SETD7: variants seen among roughly 807,000 people sequenced by gnomAD.
SETD7 encodes SET domain containing 7, histone lysine methyltransferase.
A neutral mutation model predicts 41.8 loss-of-function variants in SETD7; 16 were observed. That is an observed-to-expected ratio of 0.38 (90% confidence interval 0.26 to 0.58). The LOEUF (loss-of-function observed/expected upper bound fraction) is 0.58. Among genes scored for constraint, SETD7 ranks in the 20% least tolerant of loss-of-function variants. SETD7 has a pLI of 0.64. For missense variants in SETD7, 346 were observed against 459.7 expected, an observed-to-expected ratio of 0.75 and a Z score of 2.26; for synonymous variants, 163 against 169.7, an observed-to-expected ratio of 0.96 and a Z score of 0.31.
At chr4:139,499,833 A>T (rs965734511) in intron 7 of SETD7, among the ~76,000 whole-genome samples, 1 of 152,070 alleles carries the variant, frequency 6.6e-6, no homozygotes, top group Admixed American at 6.6e-5. Context: ...AGAAGAACCC[A>T]CTGGGTTCTG....
At chr4:139,528,409 C>A (rs756323144) in intron 4 of SETD7, among the ~76,000 whole-genome samples, 1 of 152,178 alleles carries the variant, frequency 6.6e-6, no homozygotes, top group Admixed American at 6.5e-5. Context: ...TATCATAGTA[C>A]AGTTTTTTGG....
intron 1 of SETD7, among the ~76,000 whole-genome samples, chr4:139,549,249 T>A (rs910246653): frequency 1.3e-5 from 2 of 152,352 alleles, no homozygotes; most frequent in Non-Finnish European, 2.9e-5. Flanking sequence ...TTATGTTTGA[T>A]AAAATGTGTT....
chr4:139,532,324 A>C (rs1727506036), intron 3 of SETD7, among the ~76,000 whole-genome samples: 1 of 152,190 alleles, frequency 6.6e-6, no homozygotes, highest in Admixed American at 6.5e-5. Context: ...CTGTAATCCC[A>C]GCTACTAAGG....
chr4:139,509,763 G>A lies in SETD7; in HGVS notation c.*1900C>T. ...GTATAGAACGGTCTCTTTCTACAGA[G>A]TAAGAGTGACCCTATCCTGGTGCCT... On this transcript the variant is annotated 3_prime_UTR_variant, in exon 8 of 8. Transcript: ENST00000274031. The A allele has an allele frequency of 1.0e-6, 1 of 985,478 alleles. No individual in the cohort carries two copies. Among genetic ancestry groups the A allele is most frequent in the Non-Finnish European group, 1.2e-6 (1 of 829,942 alleles). The allele number at this position is 985,478 out of a possible 1,614,324, so 61.0% of individuals were successfully genotyped here. A position where few individuals can be genotyped will look rare whatever the true frequency, so the allele number is the denominator to read the frequency against.
At chr4:139,551,998 A>G (rs1728122749) in intron 1 of SETD7, among the ~76,000 whole-genome samples, 1 of 152,188 alleles carries the variant, frequency 6.6e-6, no homozygotes, top group Admixed American at 6.5e-5. Flanking sequence ...AAAATTTTTT[A>G]ATTTTTTAGG....
At chr4:139,517,123 C>T (rs896358094) in intron 7 of SETD7, among the ~76,000 whole-genome samples, 6 of 152,182 alleles carry the variant, frequency 3.9e-5, no homozygotes, top group South Asian at 2.1e-4. Flanking sequence ...TCTTTTCCAA[C>T]GCTGAGATGT....
chr4:139,503,608 C>T (rs932012488), downstream of SETD7, among the ~76,000 whole-genome samples: 2 of 150,258 alleles, frequency 1.3e-5, no homozygotes, highest in Non-Finnish European at 3.0e-5. Context: ...TTGTAAACCC[C>T]CCTCTACAGC....
intron 5 of SETD7, among the ~76,000 whole-genome samples, chr4:139,522,686 C>T (rs191644163): frequency 1.3e-5 from 2 of 151,066 alleles, no homozygotes; most frequent in Admixed American, 6.6e-5. Flanking sequence ...GCAGCACAGA[C>T]CCTAAGAACG....
chr4:139,555,111 C>A lies in SETD7; in HGVS notation c.40+987G>T, dbSNP rs1728218234. ...GAGTATTTTCCAGTATTCGCTGTTA[C>A]AAAATCATAACATCCTATGATACAA... is the stretch of plus-strand genomic sequence containing the variant. On this transcript the variant is annotated intron_variant, in intron 1 of 7. Coordinates refer to ENST00000274031, the MANE Select transcript of SETD7 (RefSeq NM_030648.4). This position sits in a 1 kb window ranked among gnomAD's most constrained non-coding sequence, Gnocchi z 4.0. Among the ~76,000 whole-genome samples, 1 of 142,092 alleles carries A rather than the reference C, an allele frequency of 7.0e-6. No individual in the cohort carries two copies. Among genetic ancestry groups the A allele is most frequent in the Admixed American group, 7.4e-5 (1 of 13,548 alleles). 93.2% of individuals were successfully genotyped at this position (142,092 alleles called of 152,430 possible).
At chr4:139,497,412 G>A (rs751483340) in intron 7 of SETD7, among the ~76,000 whole-genome samples, 4 of 151,382 alleles carry the variant, frequency 2.6e-5, no homozygotes, top group Non-Finnish European at 5.9e-5. Flanking sequence ...CCGAGATTGC[G>A]CCATTACTAA....
At chr4:139,553,074 C>T (rs1242209031) in intron 1 of SETD7, among the ~76,000 whole-genome samples, 2 of 152,186 alleles carry the variant, frequency 1.3e-5, no homozygotes, top group Non-Finnish European at 2.9e-5. Context: ...AGGCCCAGGG[C>T]TTGCTGCCTT....
rs1728257130 is a variant in SETD7 at position 139,555,969 on chromosome 4, C to T, written c.40+129G>A. 1.2e-6 allele frequency: 1 copy of T among 835,550 alleles called. No individual in the cohort carries two copies. The allele number at this position is 835,550 out of a possible 1,614,324, so 51.8% of individuals were successfully genotyped here. Reference sequence around the variant, plus strand: ...CTGTCGGGCCCCCGCCCGAGCCGGGCAACCGGCCACCCGTGTAGGGGACAG... The same window carrying T: ...CTGTCGGGCCCCCGCCCGAGCCGGGTAACCGGCCACCCGTGTAGGGGACAG... On this transcript the variant is annotated intron_variant, in intron 1 of 7. Transcript: ENST00000274031. The surrounding 1 kb of genome is among the most constrained non-coding windows in gnomAD (Gnocchi z 4.0).
chr4:139,551,841 T>C (rs1728118322), intron 1 of SETD7, among the ~76,000 whole-genome samples: 1 of 152,242 alleles, frequency 6.6e-6, no homozygotes, highest in South Asian at 2.1e-4. Flanking sequence ...TGAGACCCCA[T>C]CTCATTAAAT....
At chr4:139,504,604 C>T (rs1483522837), downstream of SETD7, among the ~76,000 whole-genome samples, 3 of 152,104 alleles carry the variant, frequency 2.0e-5, no homozygotes, top group Non-Finnish European at 4.4e-5. Context: ...TAAAGTCCTT[C>T]GATAGCTGTT....
Position 139,545,896 on chromosome 4 carries a change from C to T in SETD7, c.170+1024G>A, listed in dbSNP as rs189996440. 6.5e-4 allele frequency among the ~76,000 whole-genome samples: 99 copies of T among 152,282 alleles called. 2 individuals are homozygous for T. The East Asian group carries it at 0.016, about 24-fold the overall frequency. ...GTCAGTTTCCATTTTACCCAACCAA[C>T]GGGTCTGAAAATAGCTAGCCCTTTT... On this transcript the variant is annotated intron_variant, in intron 2 of 7. Coordinates refer to ENST00000274031, the MANE Select transcript of SETD7 (RefSeq NM_030648.4).
intron 3 of SETD7, among the ~76,000 whole-genome samples, chr4:139,529,927 C>T (rs1244508817): frequency 1.3e-5 from 2 of 152,202 alleles, no homozygotes; most frequent in African/African-American, 4.8e-5. Context: ...TTCCTGCTCC[C>T]TCTTGCCTCC....
At chr4:139,496,253 T>A (rs1726452533) in exon 8 of SETD7, 1 of 568,036 alleles carries the variant, frequency 1.8e-6, no homozygotes. Flanking sequence ...GATCTTAAAA[T>A]GGCTCCCAGA....
intron 4 of SETD7, among the ~76,000 whole-genome samples, chr4:139,523,685 A>G (rs1410974606): frequency 6.6e-6 from 1 of 152,212 alleles, no homozygotes; most frequent in African/African-American, 2.4e-5. Context: ...AATTTTCCTT[A>G]TTAAAATGAC....
In SETD7 at chr4:139,509,562, G is replaced by T. The variant is rs1035250365; in HGVS notation, c.*2101C>A. 1 of 238,208 alleles carries T rather than the reference G, an allele frequency of 4.2e-6. No individual in the cohort carries two copies. Among genetic ancestry groups the T allele is most frequent in the Non-Finnish European group, 6.8e-6 (1 of 146,712 alleles). 14.8% of individuals were successfully genotyped at this position (238,208 alleles called of 1,614,324 possible). A position where few individuals can be genotyped will look rare whatever the true frequency, so the allele number is the denominator to read the frequency against. On this transcript the variant is annotated 3_prime_UTR_variant, in exon 8 of 8. Transcript: ENST00000274031. ...CATTCAGAGCATAGCTGCATCGGGG[G>T]CATGACCAGCACTATCCTCTCCCTG...
Sources: gnomAD v4.1 joint callset for allele counts (sites outside exome capture counted in the v4.1 genomes callset) on GRCh38, gnomAD v4.1.1 for gene constraint, Gnocchi (gnomAD v3.1) non-coding constraint, MANE v1.5 for transcripts, NCBI Gene and HGNC (gene_info 2026-07-23, HGNC 2026-07-21) for gene names.